The following PLPP4 variants were observed in gnomAD, a reference collection of about 807,000 sequenced individuals.
PLPP4 encodes the protein phospholipid phosphatase 4, also known as diacylglycerol pyrophosphate like 2.
PLPP4 carries 20 observed loss-of-function variants against 32.2 expected under a neutral mutation model. The ratio of observed to expected loss-of-function variants is 0.62; its 90% CI spans 0.44 to 0.90. The LOEUF is 0.90. Ranked by LOEUF, PLPP4 falls within the 40% of genes least tolerant of loss-of-function variation. The pLI is 0.00. For synonymous variants in PLPP4, 127 were observed against 133.0 expected (o/e 0.95, Z 0.31); for missense variants, 257 against 353.1 (o/e 0.73, Z 2.18).
intron 6 of PLPP4, chr10:120,587,169 T>A (rs1170367416): frequency 1.3e-5 from 2 of 152,360 alleles, no homozygotes; most frequent in African/African-American, 4.8e-5. Context: ...ATGGCTTCGG[T>A]AGGAGGAGTG....
chr10:120,510,849 T>C (rs1005439787), intron 2 of PLPP4, among the ~76,000 whole-genome samples: 2 of 152,236 alleles, frequency 1.3e-5, no homozygotes, highest in Non-Finnish European at 2.9e-5. Context: ...CCCAAGGATA[T>C]GGCAGATACA....
intron 1 of PLPP4, among the ~76,000 whole-genome samples, chr10:120,484,430 A>G (rs1042578839): frequency 2.6e-5 from 4 of 152,192 alleles, no homozygotes; most frequent in Non-Finnish European, 4.4e-5. Flanking sequence ...AGGTGCCAGC[A>G]TCTGGTGAGG....
intron 6 of PLPP4, 135 bp downstream of exon 6, chr10:120,575,436 C>A (rs1385802574): frequency 2.1e-6 from 2 of 951,042 alleles, no homozygotes; most frequent in South Asian, 1.8e-5. Context: ...AATGACAGAG[C>A]GGATAAAATT....
intron 1 of PLPP4, 69 bp downstream of exon 1, chr10:120,457,430 C>G: frequency 7.0e-7 from 1 of 1,421,954 alleles, no homozygotes; most frequent in Non-Finnish European, 9.5e-7. Context: ...CTCTCTGTGC[C>G]CTAACTTAGT....
Position 120,457,261 on chromosome 10 carries a change from GC to G in PLPP4, c.-44del. The G allele has an allele frequency of 7.0e-7, 1 of 1,426,170 alleles. No individual in the cohort carries two copies. Among genetic ancestry groups the G allele is most frequent in the Non-Finnish European group, 9.3e-7 (1 of 1,077,198 alleles). The allele number at this position is 1,426,170 out of a possible 1,614,324, so 88.3% of individuals were successfully genotyped here. A position where few individuals can be genotyped will look rare whatever the true frequency, so the allele number is the denominator to read the frequency against. ...CGGCGCCGGCCGAGCTGCGGGAGCCGCGGAGAGCACCAGCTGACGCCGCGGG... is the reference window on the plus strand; with the variant it reads ...CGGCGCCGGCCGAGCTGCGGGAGCCGGGAGAGCACCAGCTGACGCCGCGGG... On this transcript the variant is annotated 5_prime_UTR_variant, in exon 1 of 7. Coordinates refer to ENST00000398250, the MANE Select transcript of PLPP4 (RefSeq NM_001030059.3).
chr10:120,514,041 A>C, intron 3 of PLPP4, 40 bp downstream of exon 3: 1 of 1,408,750 alleles, frequency 7.1e-7, no homozygotes, highest in Non-Finnish European at 1.0e-6. Context: ...AATGGGGCTG[A>C]CCTTAATTAG....
intron 5 of PLPP4, among the ~76,000 whole-genome samples, chr10:120,540,505 G>A (rs1251324749): frequency 1.3e-5 from 2 of 152,172 alleles, no homozygotes; most frequent in Non-Finnish European, 1.5e-5. Flanking sequence ...TACAGGGCAG[G>A]ACCGCTGTGA....
chr10:120,526,677 T>C (rs1295539228), intron 5 of PLPP4, among the ~76,000 whole-genome samples: 1 of 152,218 alleles, frequency 6.6e-6, no homozygotes, highest in Non-Finnish European at 1.5e-5. Flanking sequence ...GAGCCTCAGA[T>C]AGTTAAAACT....
At chr10:120,507,784 G>T (rs1845565469) in intron 2 of PLPP4, among the ~76,000 whole-genome samples, 1 of 152,122 alleles carries the variant, frequency 6.6e-6, no homozygotes, top group Admixed American at 6.5e-5. Context: ...AGCTAGACTG[G>T]GGGTAGCTTT....
At chr10:120,554,657 A>G (rs201482385) in intron 5 of PLPP4, among the ~76,000 whole-genome samples, 1 of 8,918 alleles carries the variant, frequency 1.1e-4, no homozygotes, top group East Asian at 4.4e-3. Flanking sequence ...CAGGCTGTAC[A>G]GGGAGCATGA....
chr10:120,561,303 C>A (rs1188253694), intron 5 of PLPP4, among the ~76,000 whole-genome samples: 1 of 152,182 alleles, frequency 6.6e-6, no homozygotes, highest in African/African-American at 2.4e-5. Context: ...CCTCTAAATT[C>A]ATAATCCAGA....
At chr10:120,573,613 A>G (rs887881929) in intron 5 of PLPP4, among the ~76,000 whole-genome samples, 1 of 152,214 alleles carries the variant, frequency 6.6e-6, no homozygotes, top group East Asian at 1.9e-4. Context: ...ATTCTTCTGT[A>G]CTGATCATTT....
At chr10:120,518,074 A>T (rs975819628) in intron 3 of PLPP4, among the ~76,000 whole-genome samples, 5 of 152,222 alleles carry the variant, frequency 3.3e-5, no homozygotes, top group Non-Finnish European at 7.3e-5. Context: ...TCGATAAACC[A>T]CAGGAGAGAG....
At chr10:120,546,127 C>T (rs1847603894) in intron 5 of PLPP4, among the ~76,000 whole-genome samples, 1 of 152,162 alleles carries the variant, frequency 6.6e-6, no homozygotes, top group African/African-American at 2.4e-5. Flanking sequence ...GGTTTTGGGA[C>T]TTGGACGGCT....
intron 6 of PLPP4, among the ~76,000 whole-genome samples, chr10:120,584,071 G>A (rs955300456): frequency 6.6e-6 from 1 of 152,142 alleles, no homozygotes; most frequent in African/African-American, 2.4e-5. Flanking sequence ...TTTCTTAAAA[G>A]ATGGGTCTAT....
intron 5 of PLPP4, among the ~76,000 whole-genome samples, chr10:120,556,097 GTCTTTACCT>G (rs1387922696): frequency 1.3e-5 from 2 of 152,158 alleles, no homozygotes; most frequent in African/African-American, 4.8e-5. Context: ...AAAAGCTTTG[GTCTTTACCT>G]TCTGGAATTC....
intron 1 of PLPP4, among the ~76,000 whole-genome samples, chr10:120,459,256 T>C (rs1189530615): frequency 6.6e-6 from 1 of 152,224 alleles, no homozygotes; most frequent in Non-Finnish European, 1.5e-5. Flanking sequence ...CACATGGACA[T>C]TGATAGCATT....
chr10:120,572,536 G>A (rs1304437168), intron 5 of PLPP4, among the ~76,000 whole-genome samples: 1 of 152,240 alleles, frequency 6.6e-6, no homozygotes, highest in East Asian at 1.9e-4. Flanking sequence ...ACCCAAGGCT[G>A]CCTCTCCCCT....
At chr10:120,564,162 A>T (rs1848579006) in intron 5 of PLPP4, among the ~76,000 whole-genome samples, 1 of 152,106 alleles carries the variant, frequency 6.6e-6, no homozygotes, top group African/African-American at 2.4e-5. Flanking sequence ...AAGTTTTAAT[A>T]CATATTATTT....
Sources: allele counts gnomAD v4.1 joint callset (sites outside exome capture counted in the v4.1 genomes callset), GRCh38; gene constraint gnomAD v4.1.1; transcripts MANE v1.5; gene names NCBI Gene and HGNC (gene_info 2026-07-23, HGNC 2026-07-21).